The following MGAT4A variants were observed in gnomAD, a reference collection of about 807,000 sequenced individuals.
MGAT4A encodes N-acetylglucosaminyltransferase IVa.
Under a neutral mutation model 74.1 loss-of-function variants are expected in MGAT4A, and 33 were observed. The observed-to-expected ratio is 0.45, with a 90% CI of 0.34 to 0.60. The LOEUF (loss-of-function observed/expected upper bound fraction) is 0.60. Ranked by LOEUF, MGAT4A falls within the 20% of genes least tolerant of loss-of-function variation. MGAT4A has a pLI of 0.02. For missense variants in MGAT4A, 479 were observed against 628.3 expected (o/e 0.76, Z 2.54); for synonymous variants, 198 against 210.4 (o/e 0.94, Z 0.51).
At chr2:98,662,983 A>C in intron 5 of MGAT4A, 63 bp downstream of exon 5, 1 of 1,230,036 alleles carries the variant, frequency 8.1e-7, no homozygotes, top group Non-Finnish European at 1.1e-6. Flanking sequence ...TCAAATATTC[A>C]ATTAGAGTTT....
chr2:98,703,703 C>G (rs376113536), intron 2 of MGAT4A, among the ~76,000 whole-genome samples: 36 of 152,188 alleles, frequency 2.4e-4, no homozygotes, highest in African/African-American at 7.7e-4. Context: ...TTATCTCCCA[C>G]CACACCCCCA....
chr2:98,711,410 T>C (rs1237348164), intron 2 of MGAT4A, among the ~76,000 whole-genome samples: 1 of 152,110 alleles, frequency 6.6e-6, no homozygotes, highest in African/African-American at 2.4e-5. Flanking sequence ...GACACTCACT[T>C]TTTTATTTTC....
rs539708020 is a variant in MGAT4A, at chr2:98,623,284, C to G, written c.*2282G>C. ...CTGCATGAAAACAGGAAAAAGCTAG[C>G]CAGGCAGGCTGTCTTTAAAGAAGTT... On this transcript the variant is annotated 3_prime_UTR_variant, in exon 16 of 16. Transcript: ENST00000393487. 1 of 985,410 alleles carries G rather than the reference C, an allele frequency of 1.0e-6. No individual in the cohort carries two copies. The highest frequency in any genetic ancestry group is 1.2e-6 in the Non-Finnish European group (1 of 829,946). 61.0% of individuals were successfully genotyped at this position (985,410 alleles called of 1,614,324 possible). A position where few individuals can be genotyped will look rare whatever the true frequency, so the allele number is the denominator to read the frequency against.
chr2:98,622,398 T>C lies in MGAT4A; in HGVS notation c.*3168A>G. 4.1e-6 allele frequency: 4 copies of C among 985,458 alleles called. No homozygotes were observed. Among genetic ancestry groups the C allele is most frequent in the Non-Finnish European group, 4.8e-6 (4 of 829,944 alleles). The allele number at this position is 985,458 out of a possible 1,614,324, so 61.0% of individuals were successfully genotyped here. ...GGCAGAACCGGGTAAAAAAATGTTTTTATTTAAACAGCCCCCATGTGTCTA... is the reference window on the plus strand; with the variant it reads ...GGCAGAACCGGGTAAAAAAATGTTTCTATTTAAACAGCCCCCATGTGTCTA... On this transcript the variant is annotated 3_prime_UTR_variant, in exon 16 of 16. Transcript: ENST00000393487.
intron 2 of MGAT4A, among the ~76,000 whole-genome samples, chr2:98,682,357 G>A (rs768323649): frequency 1.3e-5 from 2 of 149,144 alleles, no homozygotes; most frequent in Non-Finnish European, 3.0e-5. Flanking sequence ...GGGAGGCAGA[G>A]GCTGCAGTGA....
At chr2:98,703,408 G>C (rs959857159) in intron 2 of MGAT4A, among the ~76,000 whole-genome samples, 5 of 152,046 alleles carry the variant, frequency 3.3e-5, no homozygotes, top group African/African-American at 4.8e-5. Flanking sequence ...TGAACAGAGA[G>C]GCCCCAGAGT....
intron 5 of MGAT4A, among the ~76,000 whole-genome samples, chr2:98,659,818 C>T (rs943998589): frequency 6.6e-6 from 1 of 152,056 alleles, no homozygotes; most frequent in African/African-American, 2.4e-5. Context: ...ATGTCTTTAT[C>T]AGCAGCATAA....
chr2:98,628,007 T>C (rs549633366), intron 14 of MGAT4A, among the ~76,000 whole-genome samples: 1 of 152,228 alleles, frequency 6.6e-6, no homozygotes, highest in Admixed American at 6.5e-5. Flanking sequence ...TACCTTACAT[T>C]TTTTTCAAGC....
chr2:98,706,438 T>G (rs990797008), intron 2 of MGAT4A, among the ~76,000 whole-genome samples: 1 of 152,128 alleles, frequency 6.6e-6, no homozygotes, highest in Admixed American at 6.6e-5. Flanking sequence ...CAAGTGATTC[T>G]GCTACCTCAG....
intron 12 of MGAT4A, among the ~76,000 whole-genome samples, chr2:98,637,493 C>G (rs1012712670): frequency 2.0e-5 from 3 of 152,042 alleles, no homozygotes; most frequent in African/African-American, 7.2e-5. Context: ...TATATGGTGA[C>G]AGATCTAAAA....
At chr2:98,663,659 A>AG (rs1364391181) in intron 4 of MGAT4A, among the ~76,000 whole-genome samples, 1 of 152,218 alleles carries the variant, frequency 6.6e-6, no homozygotes, top group African/African-American at 2.4e-5. Flanking sequence ...ACAAAATAAC[A>AG]GTACTCTTTA....
rs577461618 is a variant in MGAT4A at position 98,726,319 on chromosome 2, T to A, written c.14A>T (p.Asn5Ile). 2.5e-6 allele frequency: 4 copies of A among 1,613,818 alleles called. No homozygotes were observed. In the East Asian group the frequency reaches 6.7e-5, roughly 27 times the overall value. Residue 5 changes from asparagine (N) to isoleucine (I), a missense_variant, in exon 2 of 16, where the codon AAT becomes ATT. By Grantham distance (149) the Asn-to-Ile change is moderately radical. This residue lies in a region of MGAT4A where 205 missense variants were observed against 232.7 expected (regional missense o/e 0.88). Transcript: ENST00000393487. Reference sequence around the variant, plus strand: ...TGCTAAAGCAGTGGCTACAGTTCCATTGCGGAGCCTCATCTCATTTCACCA... The same window carrying A: ...TGCTAAAGCAGTGGCTACAGTTCCAATGCGGAGCCTCATCTCATTTCACCA... MRLR[N>I]GTVATALAFI...
At chr2:98,635,800 G>A (rs1353047045) in intron 13 of MGAT4A, among the ~76,000 whole-genome samples, 3 of 151,642 alleles carry the variant, frequency 2.0e-5, no homozygotes, top group Non-Finnish European at 2.9e-5. Context: ...AGACCATCCT[G>A]GCCAGTGCTG....
At chr2:98,700,396 C>T (rs531285513) in intron 2 of MGAT4A, among the ~76,000 whole-genome samples, 1 of 148,994 alleles carries the variant, frequency 6.7e-6, no homozygotes, top group Non-Finnish European at 1.5e-5. Flanking sequence ...AGTATATACT[C>T]TATATTATAT....
At position 98,726,484 on chromosome 2, in the gene MGAT4A, G is replaced by A. The variant is rs929620793; in HGVS notation, c.-152C>T. 5 of 586,954 alleles carry A rather than the reference G, an allele frequency of 8.5e-6. No homozygotes were observed. The highest frequency in any genetic ancestry group is 6.0e-5 in the Admixed American group (2 of 33,558). 36.4% of individuals were successfully genotyped at this position (586,954 alleles called of 1,614,324 possible). A position where few individuals can be genotyped will look rare whatever the true frequency, so the allele number is the denominator to read the frequency against. On this transcript the variant is annotated 5_prime_UTR_variant, in exon 2 of 16. Transcript: ENST00000393487. ...GTTCATTTCAGATGATCTGCAGGAG[G>A]AGCCTAGCAGCAATGCTGTTCACAA...
At chr2:98,702,499 C>A (rs753349588) in intron 2 of MGAT4A, among the ~76,000 whole-genome samples, 4 of 152,216 alleles carry the variant, frequency 2.6e-5, no homozygotes, top group African/African-American at 7.2e-5. Flanking sequence ...TGAGCATGCA[C>A]AGCAGACAGC....
Position 98,622,407 on chromosome 2 carries a change from C to T in MGAT4A, c.*3159G>A. The T allele has an allele frequency of 2.0e-6, 2 of 985,460 alleles. No homozygotes were observed. Among genetic ancestry groups the T allele is most frequent in the Non-Finnish European group, 2.4e-6 (2 of 829,946 alleles). The allele number at this position is 985,460 out of a possible 1,614,324, so 61.0% of individuals were successfully genotyped here. A position where few individuals can be genotyped will look rare whatever the true frequency, so the allele number is the denominator to read the frequency against. ...GGGTAAAAAAATGTTTTTATTTAAACAGCCCCCATGTGTCTACTGGCTATA... is the reference window on the plus strand; with the variant it reads ...GGGTAAAAAAATGTTTTTATTTAAATAGCCCCCATGTGTCTACTGGCTATA... On this transcript the variant is annotated 3_prime_UTR_variant, in exon 16 of 16. Transcript: ENST00000393487.
At position 98,624,533 on chromosome 2, in the gene MGAT4A, T is replaced by C. The variant is rs1471784971; in HGVS notation, c.*1033A>G. 1.0e-6 allele frequency: 1 copy of C among 976,328 alleles called. No individual in the cohort carries two copies. Among genetic ancestry groups the C allele is most frequent in the East Asian group, 1.1e-4 (1 of 8,782 alleles). 60.5% of individuals were successfully genotyped at this position (976,328 alleles called of 1,614,324 possible). A position where few individuals can be genotyped will look rare whatever the true frequency, so the allele number is the denominator to read the frequency against. On this transcript the variant is annotated 3_prime_UTR_variant, in exon 16 of 16. Transcript: ENST00000393487. Reference sequence around the variant, plus strand: ...TTTCACCAAAAAACAATATTACAATTTTCTTTAAAATTATACCAATTATGA... The same window carrying C: ...TTTCACCAAAAAACAATATTACAATCTTCTTTAAAATTATACCAATTATGA...
chr2:98,662,924 C>CTCATCACATTA (rs1319863334), intron 5 of MGAT4A, 122 bp downstream of exon 5: 5 of 693,626 alleles, frequency 7.2e-6, no homozygotes, highest in Non-Finnish European at 1.1e-5. Context: ...GAATATATTA[C>CTCATCACATTA]CTAAGCTTTA....
Sources: gnomAD v4.1 joint callset for allele counts (sites outside exome capture counted in the v4.1 genomes callset) on GRCh38, gnomAD v4.1.1 for gene constraint, gnomAD v4.1.1 regional missense constraint, MANE v1.5 for transcripts, NCBI Gene and HGNC (gene_info 2026-07-23, HGNC 2026-07-21) for gene names.